PPIL2: variants seen among roughly 807,000 people sequenced by gnomAD.
PPIL2 encodes the protein peptidylprolyl isomerase like 2.
PPIL2 carries 50 observed loss-of-function variants against 75.2 expected under a neutral mutation model. That is an observed-to-expected ratio of 0.66 (90% confidence interval 0.53 to 0.84). The LOEUF (loss-of-function observed/expected upper bound fraction) is 0.84. Ranked by LOEUF, PPIL2 falls within the 40% of genes least tolerant of loss-of-function variation. The probability of loss-of-function intolerance (pLI) is 0.00; values close to 1 mark genes in which losing one functional copy is unlikely to be tolerated. For missense variants in PPIL2, 590 were observed against 685.0 expected, an observed-to-expected ratio of 0.86 and a Z score of 1.55; for synonymous variants, 245 against 258.8, an observed-to-expected ratio of 0.95 and a Z score of 0.51.
intron 16 of PPIL2, 36 bp from the exon 17 acceptor site, chr22:21,694,557 A>G (rs2067831866): frequency 6.2e-7 from 1 of 1,611,474 alleles, no homozygotes. Flanking sequence ...GCCCTCCTTG[A>G]GCACACGCAG....
At chr22:21,677,453 G>A (rs559426097) in intron 6 of PPIL2, among the ~76,000 whole-genome samples, 55 of 152,306 alleles carry the variant, frequency 3.6e-4, no homozygotes, top group Admixed American at 1.8e-3. Flanking sequence ...CCGGCACCTC[G>A]GGAGGCCGAG....
At chr22:21,687,106 A>C in intron 12 of PPIL2, 108 bp downstream of exon 12, 1 of 1,099,232 alleles carries the variant, frequency 9.1e-7, no homozygotes, top group Non-Finnish European at 1.4e-6. Flanking sequence ...GTTGTAGGAA[A>C]TTCAGCCTGT....
intron 4 of PPIL2, among the ~76,000 whole-genome samples, chr22:21,672,044 T>C (rs1017446760): frequency 6.6e-6 from 1 of 152,160 alleles, no homozygotes; most frequent in Non-Finnish European, 1.5e-5. Flanking sequence ...AGGCGAAACC[T>C]TGTCTCAAAG....
At chr22:21,681,495 G>A (rs1010459586) in intron 7 of PPIL2, 105 bp downstream of exon 7, 19 of 1,038,464 alleles carry the variant, frequency 1.8e-5, no homozygotes, top group South Asian at 2.9e-5. Flanking sequence ...GCCTGTCCTC[G>A]TGGGGTTTAC....
intron 4 of PPIL2, among the ~76,000 whole-genome samples, chr22:21,671,773 C>T (rs144405404): frequency 2.6e-5 from 4 of 151,978 alleles, no homozygotes; most frequent in Admixed American, 6.6e-5. Flanking sequence ...ACATTTATGA[C>T]GGAGTGGTGG....
chr22:21,692,225 G>C (rs896140230), intron 15 of PPIL2, among the ~76,000 whole-genome samples: 4 of 151,304 alleles, frequency 2.6e-5, no homozygotes, highest in Admixed American at 2.0e-4. Flanking sequence ...GCGCGATCTC[G>C]GCTCACTGCA....
rs752818480 is a variant in PPIL2, at chr22:21,697,219, C to T, written c.*1729C>T. The T allele has an allele frequency of 3.6e-6, 2 of 561,344 alleles. No homozygotes were observed. The highest frequency in any genetic ancestry group is 2.0e-5 in the South Asian group (1 of 49,522). 34.8% of individuals were successfully genotyped at this position (561,344 alleles called of 1,614,324 possible). ...AGGACACAGTGACTGCCCAGGTGTC[C>T]ACACACCTGTAGGCCTCTGAGCCAG... On this transcript the variant is annotated 3_prime_UTR_variant, in exon 20 of 20. Transcript: ENST00000398831.
intron 14 of PPIL2, among the ~76,000 whole-genome samples, chr22:21,688,497 C>CG (rs1292907165): frequency 6.6e-6 from 1 of 152,170 alleles, no homozygotes; most frequent in African/African-American, 2.4e-5. Flanking sequence ...ATCCCTGTCC[C>CG]GGGGCAGGCC....
At chr22:21,676,589 A>G (rs373374038) in intron 6 of PPIL2, among the ~76,000 whole-genome samples, 19 of 151,960 alleles carry the variant, frequency 1.3e-4, no homozygotes, top group South Asian at 2.1e-4. Context: ...GCCTTCAAGC[A>G]TCTGTTTAAC....
In PPIL2 at chr22:21,696,549, G is replaced by A; in HGVS notation, c.*1059G>A. ...CATTTTTCTGTTAAATGTGCCCCTG[G>A]CTGGCTTTTTCTTCGTCTTCAGCCC... On this transcript the variant is annotated 3_prime_UTR_variant, in exon 20 of 20. Coordinates refer to ENST00000398831, the MANE Select transcript of PPIL2 (RefSeq NM_014337.4). 7.3e-7 allele frequency: 1 copy of A among 1,376,982 alleles called. No individual in the cohort carries two copies. Among genetic ancestry groups the A allele is most frequent in the East Asian group, 2.9e-5 (1 of 34,404 alleles). 85.3% of individuals were successfully genotyped at this position (1,376,982 alleles called of 1,614,324 possible).
intron 4 of PPIL2, among the ~76,000 whole-genome samples, chr22:21,671,365 T>TA (rs1343562530): frequency 6.6e-6 from 1 of 152,250 alleles, no homozygotes; most frequent in East Asian, 1.9e-4. Context: ...AAGAAAATTT[T>TA]ACCACAGTCC....
At position 21,672,367 on chromosome 22, in the gene PPIL2, C is replaced by T; in HGVS notation, c.229C>T (p.Pro77Ser). The change falls in exon 5 of 20, where the codon CCC (proline) becomes TCC (serine). Residue 77 changes from proline to serine, a missense_variant. Transcript: ENST00000398831. ...VPWLKKYGTN[P>S]SNGEKLDGRS... ...ATGGCTTAAGAAGTACGGGACCAAC[C>T]CCAGCAATGGAGAGGTAGGTGGCTG... 1 of 1,610,760 alleles carries T rather than the reference C, an allele frequency of 6.2e-7. No homozygotes were observed. Among genetic ancestry groups the T allele is most frequent in the Non-Finnish European group, 8.5e-7 (1 of 1,176,982 alleles).
intron 6 of PPIL2, among the ~76,000 whole-genome samples, chr22:21,677,262 G>A (rs1295706956): frequency 8.1e-6 from 1 of 123,592 alleles, no homozygotes. Context: ...ATGGGTGGCT[G>A]GGCAGAGACG....
At chr22:21,687,026 T>C in intron 12 of PPIL2, 28 bp downstream of exon 12, 3 of 1,584,436 alleles carry the variant, frequency 1.9e-6, no homozygotes, top group Non-Finnish European at 2.6e-6. Flanking sequence ...CCACTCCCCA[T>C]GCCCCAAGGT....
intron 14 of PPIL2, 103 bp from the exon 15 acceptor site, chr22:21,688,629 C>A: frequency 9.0e-7 from 1 of 1,112,910 alleles, no homozygotes; most frequent in African/African-American, 1.6e-5. Flanking sequence ...CTGCCCCAGG[C>A]TGGGCTCAGC....
chr22:21,698,206 A>G (rs2068011892), downstream of PPIL2: 1 of 143,724 alleles, frequency 7.0e-6, no homozygotes, highest in South Asian at 2.2e-4. Flanking sequence ...ATGAGCTTGT[A>G]TTTTGCAGAA....
chr22:21,693,846 G>A lies in PPIL2; in HGVS notation c.1170G>A (p.Leu390=). The part of the protein sequence containing the change: ...FFITFRSCAY[L]DKKHTIFGRV... ...TCACGTTTCGCTCCTGTGCCTACCT[G>A]GACAAGAAGCATACCATCTTTGGAC... The change falls in exon 16 of 20, where the codon CTG becomes CTA. Residue 390 remains leucine (L), a synonymous_variant. Coordinates refer to ENST00000398831, the MANE Select transcript of PPIL2 (RefSeq NM_014337.4). 1 of 1,548,258 alleles carries A rather than the reference G, an allele frequency of 6.5e-7. No homozygotes were observed.
intron 9 of PPIL2, among the ~76,000 whole-genome samples, chr22:21,684,104 G>C (rs2067240945): frequency 6.6e-6 from 1 of 152,000 alleles, no homozygotes; most frequent in East Asian, 1.9e-4. Context: ...CTACTTGGGG[G>C]GCTGAGGCAG....
At chr22:21,684,186 G>A (rs755003438) in intron 9 of PPIL2, among the ~76,000 whole-genome samples, 12 of 150,802 alleles carry the variant, frequency 8.0e-5, no homozygotes, top group East Asian at 2.0e-4. Context: ...TAGCTGGGGC[G>A]ACAGAGCTAG....
Sources: allele counts gnomAD v4.1 joint callset (sites outside exome capture counted in the v4.1 genomes callset), GRCh38; gene constraint gnomAD v4.1.1; transcripts MANE v1.5; gene names NCBI Gene and HGNC (gene_info 2026-07-23, HGNC 2026-07-21).